The following MYOZ3 variants were observed in gnomAD, a reference collection of about 807,000 sequenced individuals.
The protein encoded by MYOZ3 is myozenin 3.
MYOZ3 carries 19 observed loss-of-function variants against 26.5 expected under a neutral mutation model. The ratio of observed to expected loss-of-function variants is 0.72; its 90% CI spans 0.50 to 1.05. The LOEUF is 1.05. Among genes scored for constraint, MYOZ3 ranks in the 50% least tolerant of loss-of-function variants. The pLI is 0.00. For missense variants in MYOZ3, 322 were observed against 337.1 expected (o/e 0.96, Z 0.35); for synonymous variants, 135 against 138.8 (o/e 0.97, Z 0.19).
At chr5:150,670,417 C>A in intron 2 of MYOZ3, 67 bp from the exon 3 acceptor site, 1 of 1,446,246 alleles carries the variant, frequency 6.9e-7, no homozygotes, top group Non-Finnish European at 9.2e-7. Context: ...TGCCATGCTT[C>A]GAGAGGTGGG....
intron 2 of MYOZ3, among the ~76,000 whole-genome samples, chr5:150,665,150 T>G (rs191683123): frequency 2.0e-4 from 31 of 152,284 alleles, no homozygotes; most frequent in African/African-American, 7.0e-4. Context: ...GAGGGTTGTC[T>G]GGGGTGAGAT....
intron 3 of MYOZ3, chr5:150,670,874 T>A: frequency 6.0e-6 from 1 of 165,754 alleles, no homozygotes. Context: ...GTGAAGGGAC[T>A]CTGGCTCCTA....
intron 2 of MYOZ3, among the ~76,000 whole-genome samples, chr5:150,665,899 A>G (rs13358898): frequency 0.14 from 21,151 of 151,826 alleles, 2,762 homozygotes; most frequent in African/African-American, 0.35. Context: ...GCCAGGCGTG[A>G]TGGTGCATGC....
In MYOZ3 at chr5:150,676,720, T is replaced by C. The variant is rs1038829955; in HGVS notation, c.601T>C (p.Phe201Leu). Residue 201 changes from phenylalanine to leucine, a missense_variant, in exon 7 of 7, where the codon TTT becomes CTT. Phe to Leu is a conservative substitution (Grantham distance 22, BLOSUM62 0). Transcript: ENST00000517768. ...YRNFNKTPVPFGGPLVGGTFP... is the reference protein window; with the variant it reads ...YRNFNKTPVPLGGPLVGGTFP... ...CTCTTTCTCCAGGACCCCGGTGCCA[T>C]TTGGAGGACCCCTCGTGGGGGGCAC... 13 of 1,613,842 alleles carry C rather than the reference T, an allele frequency of 8.1e-6. No homozygotes were observed. The highest frequency in any genetic ancestry group is 1.1e-5 in the South Asian group (1 of 91,066).
chr5:150,663,074 G>T (rs532144455), intron 2 of MYOZ3, 72 bp downstream of exon 2: 2 of 1,342,278 alleles, frequency 1.5e-6, no homozygotes, highest in Non-Finnish European at 2.1e-6. Context: ...ACTCACTCTG[G>T]CCTGCTGGCC....
rs1759061826 is a variant in MYOZ3 at position 150,678,962 on chromosome 5, C to T, written c.*2087C>T. 1 of 152,450 alleles carries T rather than the reference C, an allele frequency of 6.6e-6. No homozygotes were observed. The allele number at this position is 152,450 out of a possible 1,614,324, so 9.4% of individuals were successfully genotyped here. On this transcript the variant is annotated 3_prime_UTR_variant, in exon 7 of 7. Transcript: ENST00000517768. Reference sequence around the variant, plus strand: ...CGATGGGGAAGGTCAGGAGTCCAGCCCATTCCCAGGGTGTGTGGGATAGCG... The same window carrying T: ...CGATGGGGAAGGTCAGGAGTCCAGCTCATTCCCAGGGTGTGTGGGATAGCG...
At chr5:150,665,127 AC>A (rs894563104) in intron 2 of MYOZ3, among the ~76,000 whole-genome samples, 21 of 151,980 alleles carry the variant, frequency 1.4e-4, no homozygotes, top group Non-Finnish European at 2.5e-4. Flanking sequence ...TGTGTGTTTA[AC>A]CATCCCCTGA....
At position 150,672,152 on chromosome 5, in the gene MYOZ3, T is replaced by A. The variant is rs867735053; in HGVS notation, c.425-188T>A. 74 of 1,046,868 alleles carry A rather than the reference T, an allele frequency of 7.1e-5. No individual in the cohort carries two copies. In the Middle Eastern group the frequency reaches 2.8e-3, roughly 39 times the overall value. The allele number at this position is 1,046,868 out of a possible 1,614,324, so 64.8% of individuals were successfully genotyped here. On this transcript the variant is annotated intron_variant, in intron 5 of 6. Transcript: ENST00000517768. The stretch of plus-strand genomic sequence containing the variant: ...ACTCGTGGCTTCCTCACTGCAGTCC[T>A]CCGTGTTTCCTGGGATGGGGAGGGG...
intron 2 of MYOZ3, among the ~76,000 whole-genome samples, chr5:150,665,927 C>T (rs1264006111): frequency 5.3e-5 from 8 of 151,056 alleles, no homozygotes; most frequent in Admixed American, 4.0e-4. Flanking sequence ...TCCAGCTACT[C>T]GGGAGGCTGA....
At position 150,670,491 on chromosome 5, in the gene MYOZ3, G is replaced by A. The variant is rs551250073; in HGVS notation, c.69G>A (p.Thr23=). ...AMGDLTEPVP[T]LDLGKKLSVP... is the part of the protein sequence containing the mutation. Reference sequence around the variant, plus strand: ...TCTGGCCTTTCCTGGCAGTCCCTACGCTGGACCTGGGCAAGAAGCTGAGCG... The same window carrying A: ...TCTGGCCTTTCCTGGCAGTCCCTACACTGGACCTGGGCAAGAAGCTGAGCG... Residue 23 remains threonine (T), a synonymous_variant, in exon 3 of 7, where the codon ACG becomes ACA. Coordinates refer to ENST00000517768, the MANE Select transcript of MYOZ3 (RefSeq NM_001122853.3). 6.8e-6 allele frequency: 11 copies of A among 1,610,468 alleles called. No individual in the cohort carries two copies. The Middle Eastern group carries it at 6.7e-4, about 98-fold the overall frequency.
rs1758888405 is a variant in MYOZ3, at chr5:150,670,565, G to A, written c.143G>A (p.Gly48Glu). The A allele has an allele frequency of 6.2e-7, 1 of 1,613,246 alleles. No individual in the cohort carries two copies. Among genetic ancestry groups the A allele is most frequent in the Non-Finnish European group, 8.5e-7 (1 of 1,179,672 alleles). Residue 48 changes from glycine (G) to glutamate (E), a missense_variant, in exon 3 of 7, where the codon GGG (glycine) becomes GAG (glutamate). Gly to Glu is a moderately conservative substitution (Grantham distance 98, BLOSUM62 -2). Coordinates refer to ENST00000517768, the MANE Select transcript of MYOZ3 (RefSeq NM_001122853.3). ...GAGCTGTCACTACGCAACAACAGAGGGTCCCTCCTCTTCCAGAAGAGGCAG... is the reference window on the plus strand; with the variant it reads ...GAGCTGTCACTACGCAACAACAGAGAGTCCCTCCTCTTCCAGAAGAGGCAG... ...MEELSLRNNR[G>E]SLLFQKRQRR...
chr5:150,662,291 T>C (rs755492043), intron 1 of MYOZ3, among the ~76,000 whole-genome samples: 1 of 151,848 alleles, frequency 6.6e-6, no homozygotes, highest in African/African-American at 2.4e-5. Flanking sequence ...GAAAGTGCCA[T>C]GAGATACAAA....
chr5:150,668,441 T>G (rs559400484), intron 2 of MYOZ3, among the ~76,000 whole-genome samples: 4 of 152,332 alleles, frequency 2.6e-5, no homozygotes, highest in African/African-American at 9.6e-5. Context: ...TTTCTTCCTA[T>G]GTTGTGGGCT....
rs1350387354 is a variant in MYOZ3, at chr5:150,678,218, G to C, written c.*1343G>C. 1 of 152,338 alleles carries C rather than the reference G, an allele frequency of 6.6e-6. No individual in the cohort carries two copies. Among genetic ancestry groups the C allele is most frequent in the Non-Finnish European group, 1.5e-5 (1 of 68,064 alleles). 9.4% of individuals were successfully genotyped at this position (152,338 alleles called of 1,614,324 possible). On this transcript the variant is annotated 3_prime_UTR_variant, in exon 7 of 7. Transcript: ENST00000517768. ...GGGCACCTAACAGGACAGGTGCAAAGTGGGGTGCTTATTAAGATTCCTTCT... is the reference window on the plus strand; with the variant it reads ...GGGCACCTAACAGGACAGGTGCAAACTGGGGTGCTTATTAAGATTCCTTCT...
chr5:150,676,909 G>C lies in MYOZ3; in HGVS notation c.*34G>C. The C allele has an allele frequency of 1.3e-6, 2 of 1,582,684 alleles. No individual in the cohort carries two copies. The highest frequency in any genetic ancestry group is 1.7e-6 in the Non-Finnish European group (2 of 1,166,006). On this transcript the variant is annotated 3_prime_UTR_variant, in exon 7 of 7. Transcript: ENST00000517768. ...TGAATCTTCAGTTCCCCAGTCTCGG[G>C]GGCCTGGTAACATCCGGAGCCAAGA...
intron 1 of MYOZ3, among the ~76,000 whole-genome samples, chr5:150,662,166 G>T (rs1191653976): frequency 6.6e-6 from 1 of 152,174 alleles, no homozygotes; most frequent in African/African-American, 2.4e-5. Flanking sequence ...CCAGGTGGGT[G>T]GTCAGTCGAG....
At position 150,676,701 on chromosome 5, in the gene MYOZ3, C is replaced by A. The variant is rs1415345205; in HGVS notation, c.588-6C>A. ...GCCCACCTCTCCTGCTGCTCTCTTT[C>A]TCCAGGACCCCGGTGCCATTTGGAG... On this transcript the variant is annotated splice_region_variant and splice_polypyrimidine_tract_variant and intron_variant, in intron 6 of 6. Transcript: ENST00000517768. 1.2e-6 allele frequency: 2 copies of A among 1,612,988 alleles called. No individual in the cohort carries two copies. Among genetic ancestry groups the A allele is most frequent in the African/African-American group, 2.7e-5 (2 of 74,906 alleles).
At chr5:150,671,987 C>A in intron 5 of MYOZ3, 79 bp downstream of exon 5, 1 of 1,449,490 alleles carries the variant, frequency 6.9e-7, no homozygotes, top group Non-Finnish European at 9.1e-7. Context: ...GCAGGAAGAG[C>A]ACCCAGAAGG....
Position 150,669,633 on chromosome 5 carries a change from C to CTTTTTTTTTTTT in MYOZ3, c.62-830_62-819dup, listed in dbSNP as rs532402882. On this transcript the variant is annotated intron_variant, in intron 2 of 6. Coordinates refer to ENST00000517768, the MANE Select transcript of MYOZ3 (RefSeq NM_001122853.3). ...CAACTTTCCTCAGGGCCCATATATG[C>CTTTTTTTTTTTT]TTTTTTTTTTTTTTTTTTTTTTTTT... is the stretch of plus-strand genomic sequence containing the variant. Among the ~76,000 whole-genome samples the CTTTTTTTTTTTT allele has an allele frequency of 5.0e-4, 24 of 47,748 alleles. 4 individuals are homozygous for CTTTTTTTTTTTT. Among genetic ancestry groups the CTTTTTTTTTTTT allele is most frequent in the African/African-American group, 8.9e-4 (15 of 16,894 alleles). The allele number at this position is 47,748 out of a possible 152,430, so 31.3% of individuals were successfully genotyped here.
Sources: allele counts gnomAD v4.1 joint callset (sites outside exome capture counted in the v4.1 genomes callset), GRCh38; gene constraint gnomAD v4.1.1; transcripts MANE v1.5; gene names NCBI Gene and HGNC (gene_info 2026-07-23, HGNC 2026-07-21).